TIAM2: variants seen among roughly 807,000 people sequenced by gnomAD.
TIAM2 encodes rho guanine nucleotide exchange factor TIAM2.
A neutral mutation model predicts 152.9 loss-of-function variants in TIAM2; 80 were observed. The ratio of observed to expected loss-of-function variants is 0.52; its 90% CI spans 0.44 to 0.63. The LOEUF (loss-of-function observed/expected upper bound fraction) is 0.63, where lower values mean the gene tolerates loss of function less well. Ranked by LOEUF, TIAM2 falls within the 30% of genes least tolerant of loss-of-function variation. The pLI, the probability that TIAM2 is intolerant of heterozygous loss-of-function variation, is 0.00. For synonymous variants in TIAM2, 804 were observed against 838.0 expected (o/e 0.96, Z 0.70); for missense variants, 1,965 against 2,120.1 (o/e 0.93, Z 1.44).
intron 26 of TIAM2, chr6:155,256,050 T>C: frequency 4.8e-6 from 1 of 208,890 alleles, no homozygotes; most frequent in South Asian, 7.4e-5. Context: ...CTACTTTTAA[T>C]TGAGCAGCAA....
At chr6:155,106,656 G>A (rs1041827422) in intron 2 of TIAM2, among the ~76,000 whole-genome samples, 1 of 152,228 alleles carries the variant, frequency 6.6e-6, no homozygotes, top group African/African-American at 2.4e-5. Flanking sequence ...ATGCAAGGAT[G>A]GTAGGTGTGT....
intron 2 of TIAM2, among the ~76,000 whole-genome samples, chr6:155,122,262 G>C (rs888711390): frequency 3.4e-4 from 51 of 152,060 alleles, no homozygotes; most frequent in African/African-American, 4.6e-4. Flanking sequence ...GGTAATTTTA[G>C]CTTAAAAAGC....
At chr6:155,231,355 C>T (rs905384181) in intron 15 of TIAM2, among the ~76,000 whole-genome samples, 5 of 152,182 alleles carry the variant, frequency 3.3e-5, no homozygotes, top group African/African-American at 4.8e-5. Context: ...TAATATGGGG[C>T]TCTTTGGAGC....
At position 155,256,582 on chromosome 6, in the gene TIAM2, T is replaced by C. The variant is rs114515125; in HGVS notation, c.4567T>C (p.Leu1523=). 0.01 allele frequency: 16,797 copies of C among 1,614,128 alleles called. 302 individuals are homozygous for C. Among genetic ancestry groups the C allele is most frequent in the African/African-American group, 0.051 (3,833 of 75,030 alleles). Residue 1523 remains leucine (L), a synonymous_variant, in exon 27 of 27, where the codon TTG becomes CTG. Transcript: ENST00000682666. ...CTTGCTGGACTCTGACGAGGGCAGC[T>C]TGAGCAGCGGCACCCAGAGCAGCGG... The part of the protein sequence containing the change: ...GTLLDSDEGS[L]SSGTQSSGCP...
chr6:155,226,692 A>G (rs1284578820), intron 15 of TIAM2, among the ~76,000 whole-genome samples: 2 of 152,140 alleles, frequency 1.3e-5, no homozygotes. Flanking sequence ...CAGGGAAGAA[A>G]AAAAGATTGC....
chr6:155,050,564 G>A (rs1238151588), intron 1 of TIAM2, among the ~76,000 whole-genome samples: 1 of 152,190 alleles, frequency 6.6e-6, no homozygotes, highest in African/African-American at 2.4e-5. Flanking sequence ...GCTCCTGTCT[G>A]CTTACTGGAG....
chr6:155,075,550 G>C (rs2114959913), intron 1 of TIAM2, among the ~76,000 whole-genome samples: 1 of 152,300 alleles, frequency 6.6e-6, no homozygotes, highest in African/African-American at 2.4e-5. Context: ...CAGAAGGAGA[G>C]AATAAAGGTT....
chr6:155,197,287 A>G (rs1411613964), intron 14 of TIAM2, among the ~76,000 whole-genome samples: 9 of 152,222 alleles, frequency 5.9e-5, no homozygotes, highest in Non-Finnish European at 1.0e-4. Flanking sequence ...TTCATGTTTC[A>G]GTTGATGAAT....
intron 1 of TIAM2, among the ~76,000 whole-genome samples, chr6:155,042,154 C>T (rs925633781): frequency 1.3e-4 from 20 of 151,894 alleles, no homozygotes; most frequent in Admixed American, 1.2e-3. Flanking sequence ...CCCTTTCAGG[C>T]GGCTGCCTCA....
intron 15 of TIAM2, among the ~76,000 whole-genome samples, chr6:155,211,674 G>A (rs1227503857): frequency 1.0e-4 from 15 of 150,146 alleles, no homozygotes; most frequent in Non-Finnish European, 1.9e-4. Context: ...TTTTTTGGCT[G>A]AAGATAAATT....
intron 1 of TIAM2, among the ~76,000 whole-genome samples, chr6:155,032,796 C>T (rs1327223689): frequency 1.3e-5 from 2 of 152,188 alleles, no homozygotes; most frequent in Admixed American, 1.3e-4. Context: ...CCACCTCGGC[C>T]TCCCAAAGTG....
At chr6:155,147,699 G>T (rs1219358677) in intron 6 of TIAM2, among the ~76,000 whole-genome samples, 1 of 152,144 alleles carries the variant, frequency 6.6e-6, no homozygotes, top group African/African-American at 2.4e-5. Flanking sequence ...TGGCCAGGCT[G>T]GTCTCGAACT....
At position 155,006,856 on chromosome 6, in the gene TIAM2, T is replaced by A. The variant is rs187778107; in HGVS notation, c.-209+11364T>A. ...AGTGCCCACCACCACACCCAGCTAATTTTTTTGTATTTTTAGTAGAGATGA... is the reference window on the plus strand; with the variant it reads ...AGTGCCCACCACCACACCCAGCTAAATTTTTTGTATTTTTAGTAGAGATGA... On this transcript the variant is annotated intron_variant, in intron 1 of 26. Transcript: ENST00000682666. Among the ~76,000 whole-genome samples, 713 of 151,884 alleles carry A rather than the reference T, an allele frequency of 4.7e-3. 8 individuals carry two copies. Among genetic ancestry groups the A allele is most frequent in the African/African-American group, 0.017 (689 of 41,456 alleles).
intron 7 of TIAM2, among the ~76,000 whole-genome samples, chr6:155,151,293 G>A (rs573453760): frequency 3.2e-4 from 49 of 152,292 alleles, no homozygotes; most frequent in Non-Finnish European, 4.7e-4. Flanking sequence ...AGGTTGGTGC[G>A]CCCTAGCATG....
intron 15 of TIAM2, among the ~76,000 whole-genome samples, chr6:155,217,646 G>A (rs1011971009): frequency 6.6e-6 from 1 of 152,182 alleles, no homozygotes; most frequent in African/African-American, 2.4e-5. Flanking sequence ...CTTTGTGGAA[G>A]AATTTTATGT....
intron 1 of TIAM2, among the ~76,000 whole-genome samples, chr6:155,012,810 C>T (rs1248361012): frequency 6.6e-6 from 1 of 152,188 alleles, no homozygotes; most frequent in Non-Finnish European, 1.5e-5. Context: ...CTCGGGCTCC[C>T]AAAGTGCTGG....
chr6:155,205,183 A>T (rs895127709), intron 14 of TIAM2, among the ~76,000 whole-genome samples: 4 of 1,512 alleles, frequency 2.6e-3, no homozygotes, highest in African/African-American at 7.0e-3. Flanking sequence ...ATTAATTTCT[A>T]AAAAAAAAAA....
At chr6:155,179,314 A>G in intron 11 of TIAM2, 64 bp from the exon 12 acceptor site, 1 of 1,554,328 alleles carries the variant, frequency 6.4e-7, no homozygotes, top group Non-Finnish European at 8.9e-7. Context: ...AAATAGTGTC[A>G]AAGTAATTTT....
At chr6:155,192,898 C>T (rs1781243100) in intron 14 of TIAM2, among the ~76,000 whole-genome samples, 1 of 152,152 alleles carries the variant, frequency 6.6e-6, no homozygotes, top group African/African-American at 2.4e-5. Flanking sequence ...CAGCAAGTGG[C>T]CATTTCTTCA....
Sources: gnomAD v4.1 joint callset for allele counts (sites outside exome capture counted in the v4.1 genomes callset) on GRCh38, gnomAD v4.1.1 for gene constraint, MANE v1.5 for transcripts, NCBI Gene and HGNC (gene_info 2026-07-23, HGNC 2026-07-21) for gene names.